The following MAOA variants were observed in gnomAD, a reference collection of about 807,000 sequenced individuals.
The protein encoded by MAOA is monoamine oxidase A, also known as amine oxidase [flavin-containing] A.
A neutral mutation model predicts 42.0 loss-of-function variants in MAOA; 6 were observed. That is an observed-to-expected ratio of 0.14 (90% CI 0.08 to 0.28). MAOA has a LOEUF of 0.28. Among genes scored for constraint, MAOA ranks in the 10% least tolerant of loss-of-function variants. The pLI is 1.00. For synonymous variants in MAOA, 140 were observed against 154.0 expected (o/e 0.91, Z 0.67); for missense variants, 262 against 422.3 (o/e 0.62, Z 3.33).
intron 1 of MAOA, among the ~76,000 whole-genome samples, chrX:43,673,013 G>C (rs746523603): frequency 7.8e-4 from 87 of 110,940 alleles, no homozygotes; most frequent in African/African-American, 2.5e-3. Context: ...CAGAAGGAAT[G>C]GTACCAGTTC....
chrX:43,711,828 G>C (rs752315712), intron 3 of MAOA, 44 bp from the exon 4 acceptor site: 6 of 1,002,642 alleles, frequency 6.0e-6, no homozygotes, highest in Non-Finnish European at 8.5e-6. Flanking sequence ...TCAAATTTAA[G>C]ATATTACTCT....
chrX:43,728,084 T>C, intron 5 of MAOA, 89 bp from the exon 6 acceptor site: 1 of 944,966 alleles, frequency 1.1e-6, no homozygotes, highest in Non-Finnish European at 1.5e-6. Context: ...AAAAACTTTC[T>C]GAACACACTA....
chrX:43,655,547 C>T (rs1199454149), upstream of MAOA: 1 of 111,203 alleles, frequency 9.0e-6, no homozygotes, highest in Non-Finnish European at 1.9e-5. Flanking sequence ...ATGGGGCCGT[C>T]ACAGCCTCCA....
rs2033179927 is a variant in MAOA at position 43,656,386 on chromosome X, C to A, written c.45C>A (p.Asp15Glu). ...EKASIAGHMF[D>E]VVVIGGGISG... is the part of the protein sequence containing the mutation. The stretch of plus-strand genomic sequence containing the variant: ...CGAGTATCGCGGGCCACATGTTCGA[C>A]GTAGTCGTGATCGGAGGTGGCATTT... The change falls in exon 1 of 15, where the codon GAC (aspartate) becomes GAA (glutamate). Residue 15 changes from aspartate (D) to glutamate (E), a missense_variant. Around this residue, in one of 3 missense-constraint regions of MAOA, gnomAD observed 141 missense variants for 195.6 expected, o/e 0.72. Coordinates refer to ENST00000338702, the MANE Select transcript of MAOA (RefSeq NM_000240.4). 2 of 1,211,738 alleles carry A rather than the reference C, an allele frequency of 1.7e-6. No individual in the cohort carries two copies. The highest frequency in any genetic ancestry group is 2.2e-6 in the Non-Finnish European group (2 of 895,384).
intron 2 of MAOA, among the ~76,000 whole-genome samples, chrX:43,686,602 C>T (rs1382394715): frequency 9.0e-6 from 1 of 111,671 alleles, no homozygotes; most frequent in Non-Finnish European, 1.9e-5. Context: ...AGTTTGAGAA[C>T]AGCCTGGGAA....
At chrX:43,691,487 CAT>C (rs1569193909) in intron 2 of MAOA, among the ~76,000 whole-genome samples, 2 of 111,520 alleles carry the variant, frequency 1.8e-5, no homozygotes, top group Admixed American at 9.5e-5. Context: ...AGTTTTGAAA[CAT>C]ATATGAAATG....
At chrX:43,744,273 C>A in intron 14 of MAOA, 94 bp from the exon 15 acceptor site, 1 of 1,123,558 alleles carries the variant, frequency 8.9e-7, no homozygotes, top group Non-Finnish European at 1.2e-6. Flanking sequence ...ATAGATGCAA[C>A]TATCCCAGGG....
At chrX:43,701,683 C>A (rs1381790821) in intron 3 of MAOA, among the ~76,000 whole-genome samples, 1 of 112,018 alleles carries the variant, frequency 8.9e-6, no homozygotes, top group Admixed American at 9.5e-5. Context: ...GGATTTCTCT[C>A]ACACTCAGGC....
chrX:43,730,914 C>T lies in MAOA; in HGVS notation c.646-327C>T, dbSNP rs181135383. On this transcript the variant is annotated intron_variant, in intron 6 of 14. Transcript: ENST00000338702. ...GCCCCTTCTCAGGGCTCCCTCCACA[C>T]CCTGCACTCTTTGACATTTGAAGCC... 2.7e-5 allele frequency among the ~76,000 whole-genome samples: 3 copies of T among 112,029 alleles called. No homozygotes were observed. In the East Asian group the frequency reaches 8.5e-4, roughly 32 times the overall value.
intron 6 of MAOA, among the ~76,000 whole-genome samples, chrX:43,729,959 C>A (rs1435200396): frequency 2.7e-5 from 3 of 110,233 alleles, no homozygotes; most frequent in African/African-American, 9.9e-5. Flanking sequence ...TTTTGGAGGC[C>A]AAGGAGGGTG....
intron 1 of MAOA, 63 bp from the exon 2 acceptor site, chrX:43,683,450 C>T (rs2033459585): frequency 1.2e-6 from 1 of 804,550 alleles, no homozygotes; most frequent in Non-Finnish European, 1.9e-6. Flanking sequence ...ATGTGTAGAC[C>T]TGGTTAAATC....
chrX:43,696,281 G>A (rs1337985135), intron 3 of MAOA, among the ~76,000 whole-genome samples: 1 of 111,661 alleles, frequency 9.0e-6, no homozygotes, highest in East Asian at 2.8e-4. Context: ...CTTTCTGGAG[G>A]GGAGAACTGC....
chrX:43,700,408 A>G (rs1471344130), intron 3 of MAOA, among the ~76,000 whole-genome samples: 3 of 111,832 alleles, frequency 2.7e-5, no homozygotes, highest in Non-Finnish European at 3.8e-5. Context: ...GGAAACAGGG[A>G]CTCCTGTGGA....
At chrX:43,695,942 C>T (rs1315791061) in intron 3 of MAOA, among the ~76,000 whole-genome samples, 1 of 111,507 alleles carries the variant, frequency 9.0e-6, no homozygotes, top group Non-Finnish European at 1.9e-5. Flanking sequence ...AACTTCCTAA[C>T]AGGACCTTAC....
chrX:43,727,121 G>A (rs985327638), intron 5 of MAOA, among the ~76,000 whole-genome samples: 4 of 112,012 alleles, frequency 3.6e-5, no homozygotes, highest in Non-Finnish European at 5.6e-5. Context: ...GCCCCTACTG[G>A]GAGGTGTCTC....
chrX:43,720,507 G>A (rs2033780613), intron 5 of MAOA, among the ~76,000 whole-genome samples: 1 of 110,295 alleles, frequency 9.1e-6, no homozygotes, highest in Non-Finnish European at 1.9e-5. Flanking sequence ...ACAGGAAACA[G>A]GAATGCTGTA....
intron 5 of MAOA, among the ~76,000 whole-genome samples, chrX:43,720,034 G>A (rs753772897): frequency 9.1e-6 from 1 of 110,336 alleles, no homozygotes; most frequent in East Asian, 2.9e-4. Context: ...TTTCAGGAAC[G>A]TGACACAGGC....
Position 43,744,795 on chromosome X carries a change from T to C in MAOA, c.*282T>C, listed in dbSNP as rs906808673. 1.7e-5 allele frequency: 6 copies of C among 362,937 alleles called. No individual in the cohort carries two copies. The highest frequency in any genetic ancestry group is 2.9e-5 in the Non-Finnish European group (6 of 206,025). The allele number at this position is 362,937 out of a possible 1,213,427, so 29.9% of individuals were successfully genotyped here. Reference sequence around the variant, plus strand: ...CTGAAATTCACAAAGTTAAACGTGATGTGCTCATCAGAAACAATTTCTGTG... The same window carrying C: ...CTGAAATTCACAAAGTTAAACGTGACGTGCTCATCAGAAACAATTTCTGTG... On this transcript the variant is annotated 3_prime_UTR_variant, in exon 15 of 15. Transcript: ENST00000338702.
chrX:43,704,588 A>T (rs181161952), intron 3 of MAOA, among the ~76,000 whole-genome samples: 188 of 111,142 alleles, frequency 1.7e-3, no homozygotes, highest in Non-Finnish European at 1.8e-3. Flanking sequence ...CAAGACAAAG[A>T]TATTTACTCT....
Sources: allele counts gnomAD v4.1 joint callset (sites outside exome capture counted in the v4.1 genomes callset), GRCh38; gene constraint gnomAD v4.1.1; regional missense constraint gnomAD v4.1.1; transcripts MANE v1.5; gene names NCBI Gene and HGNC (gene_info 2026-07-23, HGNC 2026-07-21).